The following KDM7A variants were observed in gnomAD, a reference collection of about 807,000 sequenced individuals.
The protein encoded by KDM7A is lysine demethylase 7A, also known as lysine-specific demethylase 7A.
A neutral mutation model predicts 114.8 loss-of-function variants in KDM7A; 28 were observed. That is an observed-to-expected ratio of 0.24 (90% CI 0.18 to 0.33). The LOEUF (loss-of-function observed/expected upper bound fraction) is 0.33. Among genes scored for constraint, KDM7A ranks in the 10% least tolerant of loss-of-function variants. KDM7A has a pLI of 1.00. For synonymous variants in KDM7A, 423 were observed against 397.8 expected (o/e 1.06, Z -0.75); for missense variants, 942 against 1,142.5 (o/e 0.82, Z 2.53).
chr7:140,116,414 GTTTACAAATGGAGAAAA>G (rs1288824165), intron 9 of KDM7A, among the ~76,000 whole-genome samples: 1 of 152,160 alleles, frequency 6.6e-6, no homozygotes, highest in African/African-American at 2.4e-5. Flanking sequence ...TTTGTAGGAA[GTTTACAAATGGAGAAAA>G]TTAAATTATT....
Position 140,091,797 on chromosome 7 carries a change from A to T in KDM7A, c.2731+7T>A. On this transcript the variant is annotated splice_region_variant and intron_variant, in intron 19 of 19. Coordinates refer to ENST00000397560, the MANE Select transcript of KDM7A (RefSeq NM_030647.2). The stretch of plus-strand genomic sequence containing the variant: ...ATATACTTTCTCTATACATGTGTGA[A>T]AGTTACCTTTTGTTGCCTGGTTGCT... The T allele has an allele frequency of 1.2e-6, 2 of 1,610,784 alleles. No individual in the cohort carries two copies. Among genetic ancestry groups the T allele is most frequent in the Non-Finnish European group, 1.7e-6 (2 of 1,179,078 alleles).
intron 3 of KDM7A, among the ~76,000 whole-genome samples, chr7:140,132,197 A>G (rs1256352259): frequency 6.6e-6 from 1 of 152,214 alleles, no homozygotes; most frequent in Non-Finnish European, 1.5e-5. Flanking sequence ...AATTACTGCT[A>G]TTCTACTATG....
rs551152512 is a variant in KDM7A at position 140,110,843 on chromosome 7, T to C, written c.1428+252A>G. ...TTCTACTGTTTATACTCTGTATTTT[T>C]GATTTTTTTTAAGTATCCTAAACTA... On this transcript the variant is annotated intron_variant, in intron 11 of 19. Coordinates refer to ENST00000397560, the MANE Select transcript of KDM7A (RefSeq NM_030647.2). Among the ~76,000 whole-genome samples, 33 of 152,354 alleles carry C rather than the reference T, an allele frequency of 2.2e-4. No individual in the cohort carries two copies. The South Asian group carries it at 6.6e-3, about 31-fold the overall frequency.
rs6979797 is a variant in KDM7A, at chr7:140,170,660, C to T, written c.194+6084G>A. 3.0e-3 allele frequency among the ~76,000 whole-genome samples: 459 copies of T among 152,320 alleles called. 4 individuals are homozygous for T. The highest frequency in any genetic ancestry group is 0.01 in the African/African-American group (425 of 41,566). ...AGACTTCAATGAGTTAACCAAACAT[C>T]TAATTAATTAGAACAGTGCCTAGCA... On this transcript the variant is annotated intron_variant, in intron 1 of 19. Coordinates refer to ENST00000397560, the MANE Select transcript of KDM7A (RefSeq NM_030647.2).
chr7:140,094,561 T>G (rs1818073771), intron 17 of KDM7A: 1 of 174,620 alleles, frequency 5.7e-6, no homozygotes. Flanking sequence ...AAAAACACAT[T>G]AACTCTTTAG....
At position 140,116,125 on chromosome 7, in the gene KDM7A, T is replaced by A. The variant is rs73469857; in HGVS notation, c.1247-2543A>T. Among the ~76,000 whole-genome samples the A allele has an allele frequency of 5.9e-3, 894 of 152,334 alleles. 2 individuals are homozygous for A. The highest frequency in any genetic ancestry group is 0.02 in the African/African-American group (852 of 41,568). On this transcript the variant is annotated intron_variant, in intron 9 of 19. Transcript: ENST00000397560. Reference sequence around the variant, plus strand: ...GGCAGCAACTGCTAAATTCTACCTATGACCTAGCAATTAGGCCTGTTTTCT... The same window carrying A: ...GGCAGCAACTGCTAAATTCTACCTAAGACCTAGCAATTAGGCCTGTTTTCT...
At chr7:140,122,861 T>C (rs1472993498) in intron 7 of KDM7A, among the ~76,000 whole-genome samples, 1 of 152,230 alleles carries the variant, frequency 6.6e-6, no homozygotes, top group African/African-American at 2.4e-5. Flanking sequence ...CTGACCATAG[T>C]TAAGACTATC....
chr7:140,161,602 C>T (rs1358588641), intron 1 of KDM7A, among the ~76,000 whole-genome samples: 5 of 151,530 alleles, frequency 3.3e-5, no homozygotes, highest in African/African-American at 1.2e-4. Context: ...GGCTGGAGTG[C>T]TGTGGCGTGA....
At chr7:140,147,278 T>C (rs1177654266) in intron 1 of KDM7A, among the ~76,000 whole-genome samples, 1 of 152,196 alleles carries the variant, frequency 6.6e-6, no homozygotes, top group African/African-American at 2.4e-5. Context: ...ATGATCACAG[T>C]AAATTTTTGT....
chr7:140,157,090 T>C (rs1182397377), intron 1 of KDM7A, among the ~76,000 whole-genome samples: 1 of 152,238 alleles, frequency 6.6e-6, no homozygotes, highest in Non-Finnish European at 1.5e-5. Flanking sequence ...TAATATTTAA[T>C]AATTACTGAA....
rs113009714 is a variant in KDM7A, at chr7:140,088,569, A to G, written c.*2525T>C. On this transcript the variant is annotated 3_prime_UTR_variant, in exon 20 of 20. Coordinates refer to ENST00000397560, the MANE Select transcript of KDM7A (RefSeq NM_030647.2). ...CAAAGTTCAGCCATTTCCATGAGAT[A>G]AAGGGATGCATTATGGCCAGTAATG... 2.6e-4 allele frequency: 103 copies of G among 398,224 alleles called. 2 individuals carry two copies. The highest frequency in any genetic ancestry group is 1.9e-3 in the African/African-American group (91 of 48,740). The allele number at this position is 398,224 out of a possible 1,614,324, so 24.7% of individuals were successfully genotyped here.
intron 17 of KDM7A, 69 bp downstream of exon 17, chr7:140,096,486 A>G: frequency 8.5e-7 from 1 of 1,170,368 alleles, no homozygotes; most frequent in Non-Finnish European, 1.3e-6. Context: ...AACCTAAATG[A>G]GGATTATTGA....
rs1176582514 is a variant in KDM7A at position 140,100,673 on chromosome 7, TATATATAC to T, written c.1639-658_1639-651del. On this transcript the variant is annotated intron_variant, in intron 12 of 19. Coordinates refer to ENST00000397560, the MANE Select transcript of KDM7A (RefSeq NM_030647.2). ...TATTTTAAAAAGTTATATATATATA[TATATATAC>T]ATATATACATATATATATATATATA... Among the ~76,000 whole-genome samples, 130 of 39,536 alleles carry T rather than the reference TATATATAC, an allele frequency of 3.3e-3. 1 individual carries two copies. The highest frequency in any genetic ancestry group is 5.2e-3 in the Non-Finnish European group (107 of 20,654). The allele number at this position is 39,536 out of a possible 152,430, so 25.9% of individuals were successfully genotyped here. A position where few individuals can be genotyped will look rare whatever the true frequency, so the allele number is the denominator to read the frequency against.
At chr7:140,113,011 GA>G in intron 10 of KDM7A, among the ~76,000 whole-genome samples, 1 of 152,312 alleles carries the variant, frequency 6.6e-6, no homozygotes, top group South Asian at 2.1e-4. Context: ...TGCAGTCCCA[GA>G]GATCTAAGTT....
intron 1 of KDM7A, among the ~76,000 whole-genome samples, chr7:140,140,265 A>G (rs1056980932): frequency 2.0e-5 from 3 of 152,204 alleles, no homozygotes; most frequent in Non-Finnish European, 4.4e-5. Context: ...AAAATCTTAA[A>G]TCAGTGAAAC....
chr7:140,100,113 T>A (rs963587625), intron 12 of KDM7A, 90 bp from the exon 13 acceptor site: 2 of 1,363,172 alleles, frequency 1.5e-6, no homozygotes, highest in African/African-American at 1.4e-5. Flanking sequence ...ACCTCCCCCA[T>A]GGTCCTGCAT....
Position 140,176,872 on chromosome 7 carries a change from C to A in KDM7A, c.66G>T (p.Ser22=), listed in dbSNP as rs1384728491. The change falls in exon 1 of 20, where the codon TCG becomes TCT. Residue 22 remains serine (S), a synonymous_variant. Coordinates refer to ENST00000397560, the MANE Select transcript of KDM7A (RefSeq NM_030647.2). The surrounding 1 kb of genome is among the most constrained non-coding windows in gnomAD (Gnocchi z 4.4). ...AAAGAAAAAV[S]VAAPGRASAP... ...CCGAGGCCCGGCCGGGAGCCGCCAC[C>A]GACACGGCTGCCGCGGCGGCTCCAG... 8.0e-7 allele frequency: 1 copy of A among 1,244,358 alleles called. No individual in the cohort carries two copies. Among genetic ancestry groups the A allele is most frequent in the Non-Finnish European group, 1.0e-6 (1 of 980,890 alleles). 77.1% of individuals were successfully genotyped at this position (1,244,358 alleles called of 1,614,324 possible).
At chr7:140,101,422 C>T (rs4726603) in intron 12 of KDM7A, among the ~76,000 whole-genome samples, 52,562 of 151,976 alleles carry the variant, frequency 0.35, 9,339 homozygotes, top group Middle Eastern at 0.43. Context: ...CCAATCACCA[C>T]GTAACCATTT....
intron 8 of KDM7A, among the ~76,000 whole-genome samples, chr7:140,120,086 T>C (rs1189267919): frequency 6.6e-6 from 1 of 152,202 alleles, no homozygotes; most frequent in African/African-American, 2.4e-5. Flanking sequence ...TGACTTACGG[T>C]TGCTTTTTTC....
Sources: allele counts gnomAD v4.1 joint callset (sites outside exome capture counted in the v4.1 genomes callset), GRCh38; gene constraint gnomAD v4.1.1; non-coding constraint Gnocchi (gnomAD v3.1); transcripts MANE v1.5; gene names NCBI Gene and HGNC (gene_info 2026-07-23, HGNC 2026-07-21).